STAU2: variants seen among roughly 807,000 people sequenced by gnomAD.
The protein encoded by STAU2 is staufen double-stranded RNA binding protein 2, also known as double-stranded RNA-binding protein Staufen homolog 2.
In STAU2, 20 loss-of-function variants were observed where a neutral mutation model predicts 65.9. The observed-to-expected ratio is 0.30, with a 90% confidence interval of 0.21 to 0.44. STAU2 has a LOEUF of 0.44. STAU2 is among the 20% of genes least tolerant of loss of function. The probability of loss-of-function intolerance (pLI) is 1.00; values close to 1 mark genes in which losing one functional copy is unlikely to be tolerated. For missense variants in STAU2, 558 were observed against 683.9 expected, an observed-to-expected ratio of 0.82 and a Z score of 2.05; for synonymous variants, 232 against 233.9, an observed-to-expected ratio of 0.99 and a Z score of 0.07.
intron 12 of STAU2, among the ~76,000 whole-genome samples, chr8:73,561,208 G>A (rs1169766742): frequency 1.3e-5 from 2 of 152,180 alleles, no homozygotes; most frequent in Admixed American, 1.3e-4. Flanking sequence ...CAGAGTCAGT[G>A]TGGTGCAGGG....
intron 13 of STAU2, among the ~76,000 whole-genome samples, chr8:73,498,613 G>C (rs1821562235): frequency 6.6e-6 from 1 of 151,638 alleles, no homozygotes; most frequent in African/African-American, 2.4e-5. Context: ...CACTATGATA[G>C]GCATGGCGCT....
chr8:73,734,175 T>C (rs753626150), intron 3 of STAU2, among the ~76,000 whole-genome samples: 1 of 151,584 alleles, frequency 6.6e-6, no homozygotes, highest in South Asian at 2.1e-4. Flanking sequence ...TACCAGTGAT[T>C]ATCTCTGTAA....
At chr8:73,426,632 C>G (rs1177086413) in intron 13 of STAU2, among the ~76,000 whole-genome samples, 1 of 152,170 alleles carries the variant, frequency 6.6e-6, no homozygotes, top group Non-Finnish European at 1.5e-5. Flanking sequence ...CCATAAATGA[C>G]AGGATTTCAT....
At chr8:73,661,343 A>C (rs923036350) in intron 6 of STAU2, among the ~76,000 whole-genome samples, 1 of 152,232 alleles carries the variant, frequency 6.6e-6, no homozygotes, top group African/African-American at 2.4e-5. Context: ...AAACATTTAC[A>C]ATGTTTTTGG....
At chr8:73,531,419 CT>C (rs1231790226) in intron 13 of STAU2, among the ~76,000 whole-genome samples, 1 of 152,118 alleles carries the variant, frequency 6.6e-6, no homozygotes, top group Non-Finnish European at 1.5e-5. Context: ...ATTGAGACTG[CT>C]CAGTAAACCA....
intron 1 of STAU2, among the ~76,000 whole-genome samples, chr8:73,742,896 G>A (rs1025070777): frequency 3.3e-5 from 5 of 151,948 alleles, no homozygotes; most frequent in African/African-American, 1.2e-4. Context: ...TTTATAAAAC[G>A]GCACTGTTAC....
At chr8:73,599,275 G>GT (rs1389853610) in intron 10 of STAU2, among the ~76,000 whole-genome samples, 69 of 152,136 alleles carry the variant, frequency 4.5e-4, no homozygotes, top group African/African-American at 1.7e-3. Flanking sequence ...ATTTAAATTT[G>GT]ACTACACTAA....
intron 6 of STAU2, chr8:73,651,209 C>CT (rs1039795644): frequency 2.1e-5 from 19 of 884,644 alleles, no homozygotes; most frequent in Non-Finnish European, 3.2e-5. Flanking sequence ...ATCAAGGAGG[C>CT]TAGGTCCTCA....
At chr8:73,522,004 G>A (rs913494037) in intron 13 of STAU2, among the ~76,000 whole-genome samples, 1 of 152,174 alleles carries the variant, frequency 6.6e-6, no homozygotes, top group Non-Finnish European at 1.5e-5. Flanking sequence ...TCATGTATAT[G>A]AAGCAAGTAA....
chr8:73,636,783 A>T (rs1355516205), intron 6 of STAU2, among the ~76,000 whole-genome samples: 1 of 151,648 alleles, frequency 6.6e-6, no homozygotes, highest in Non-Finnish European at 1.5e-5. Flanking sequence ...GAATCGCTTG[A>T]ACCTGGGAGG....
intron 6 of STAU2, among the ~76,000 whole-genome samples, chr8:73,618,892 G>A (rs560644288): frequency 1.6e-4 from 24 of 152,280 alleles, no homozygotes; most frequent in South Asian, 1.5e-3. Flanking sequence ...TCACGGTTTC[G>A]GAACTAAACA....
chr8:73,717,254 C>A (rs1409207220), intron 3 of STAU2, among the ~76,000 whole-genome samples: 1 of 152,012 alleles, frequency 6.6e-6, no homozygotes, highest in Admixed American at 6.6e-5. Context: ...ATTCTCTTAC[C>A]AGTGTCTTTT....
intron 1 of STAU2, chr8:73,742,486 CGCCACTGCACTCTA>C (rs1806958031): frequency 6.6e-6 from 1 of 151,916 alleles, no homozygotes; most frequent in African/African-American, 2.4e-5. Flanking sequence ...GTGGAGATTG[CGCCACTGCACTCTA>C]GCCTGGGTGA....
chr8:73,527,847 G>A (rs557886051), intron 13 of STAU2: 1 of 1,423,640 alleles, frequency 7.0e-7, no homozygotes, highest in Admixed American at 2.0e-5. Context: ...CATTTTCAGA[G>A]GGGACAAGAT....
In STAU2 at chr8:73,580,193, C is replaced by T. The variant is rs572213349; in HGVS notation, c.1222+2577G>A. 4.6e-5 allele frequency among the ~76,000 whole-genome samples: 7 copies of T among 152,074 alleles called. No homozygotes were observed. The South Asian group carries it at 8.3e-4, about 18-fold the overall frequency. On this transcript the variant is annotated intron_variant, in intron 12 of 14. Coordinates refer to ENST00000524300, the MANE Select transcript of STAU2 (RefSeq NM_001164380.2). The stretch of plus-strand genomic sequence containing the variant: ...CAATGTAGAGTTTAACAAAACATAA[C>T]AAACAAAAAACCATAGTGAGTTAGC...
At chr8:73,613,656 G>A in intron 9 of STAU2, 88 bp downstream of exon 9, 2 of 974,676 alleles carry the variant, frequency 2.1e-6, no homozygotes, top group Non-Finnish European at 3.0e-6. Flanking sequence ...CATAAGTTCA[G>A]GGATCTGCCT....
chr8:73,616,418 T>C (rs142323757), intron 7 of STAU2, among the ~76,000 whole-genome samples: 119 of 152,228 alleles, frequency 7.8e-4, no homozygotes, highest in Middle Eastern at 3.4e-3. Context: ...CACCTAAGTC[T>C]GCCATTAAGA....
chr8:73,613,933 T>C lies in STAU2; in HGVS notation c.702A>G (p.Pro234=), dbSNP rs774019829. 25 of 1,610,220 alleles carry C rather than the reference T, an allele frequency of 1.6e-5. No homozygotes were observed. The highest frequency in any genetic ancestry group is 2.1e-5 in the Non-Finnish European group (25 of 1,179,020). ...CTCGAGTAACAAAGCTTTTCATATG[T>C]GGTGGTCCACTTTCTTTAATAACCT... The part of the protein sequence containing the change: ...SFEVIKESGP[P]HMKSFVTRVS... The change falls in exon 9 of 15, where the codon CCA becomes CCG. Residue 234 remains proline (P), a synonymous_variant. Coordinates refer to ENST00000524300, the MANE Select transcript of STAU2 (RefSeq NM_001164380.2).
intron 6 of STAU2, among the ~76,000 whole-genome samples, chr8:73,657,712 T>G (rs1816486206): frequency 6.6e-6 from 1 of 152,134 alleles, no homozygotes; most frequent in Non-Finnish European, 1.5e-5. Context: ...GACAACTTTA[T>G]TTGCTAAAAA....
Sources: allele counts gnomAD v4.1 joint callset (sites outside exome capture counted in the v4.1 genomes callset), GRCh38; gene constraint gnomAD v4.1.1; transcripts MANE v1.5; gene names NCBI Gene and HGNC (gene_info 2026-07-23, HGNC 2026-07-21).